Variants in EPB41L3 observed in about 807,000 individuals in gnomAD.
EPB41L3 encodes the protein erythrocyte membrane protein band 4.1 like 3.
EPB41L3 carries 57 observed loss-of-function variants against 127.1 expected under a neutral mutation model. That is an observed-to-expected ratio of 0.45 (90% confidence interval 0.36 to 0.56). The LOEUF is 0.56. EPB41L3 is among the 20% of genes least tolerant of loss of function. The probability of loss-of-function intolerance (pLI) is 0.00; values close to 1 mark genes in which losing one functional copy is unlikely to be tolerated. For missense variants in EPB41L3, 1,273 were observed against 1,372.2 expected, an observed-to-expected ratio of 0.93 and a Z score of 1.14; for synonymous variants, 572 against 549.5, an observed-to-expected ratio of 1.04 and a Z score of -0.57.
chr18:5,394,992 T>C (rs994439008), intron 21 of EPB41L3, 75 bp downstream of exon 21: 6 of 1,412,978 alleles, frequency 4.2e-6, no homozygotes, highest in Admixed American at 1.7e-5. Context: ...ACTAGAGGAA[T>C]AGCATTGAAA....
At chr18:5,595,736 C>A (rs917890694) in intron 3 of EPB41L3, among the ~76,000 whole-genome samples, 15 of 152,130 alleles carry the variant, frequency 9.9e-5, no homozygotes, top group Non-Finnish European at 2.9e-5. Flanking sequence ...AATTTACTGA[C>A]CGATTCTCCA....
intron 3 of EPB41L3, among the ~76,000 whole-genome samples, chr18:5,472,221 G>A (rs564290786): frequency 2.6e-5 from 4 of 152,250 alleles, no homozygotes; most frequent in South Asian, 2.1e-4. Context: ...TGTCAATACC[G>A]TAAGATTTAA....
chr18:5,544,184 A>C, upstream of EPB41L3: 1 of 985,108 alleles, frequency 1.0e-6, no homozygotes, highest in Non-Finnish European at 1.2e-6. Flanking sequence ...GTACTTCAGG[A>C]CAGTTACATG....
At position 5,506,798 on chromosome 18, in the gene EPB41L3, A is replaced by G. The variant is rs558478550; in HGVS notation, c.-11-17604T>C. On this transcript the variant is annotated intron_variant, in intron 1 of 22. Transcript: ENST00000341928. ...CTTAAATCCTAAGTGTCAGGCACTT[A>G]GCAGGTCCTCATTAGATTATGTTTG... Among the ~76,000 whole-genome samples the G allele has an allele frequency of 4.3e-4, 65 of 152,322 alleles. 1 individual carries two copies. In the South Asian group the frequency reaches 9.5e-3, roughly 22 times the overall value.
At chr18:5,541,893 T>C (rs2093740724) in intron 1 of EPB41L3, among the ~76,000 whole-genome samples, 2 of 152,226 alleles carry the variant, frequency 1.3e-5, no homozygotes, top group South Asian at 2.1e-4. Flanking sequence ...ATGTTCTGTT[T>C]TGAAAAACTT....
chr18:5,539,798 T>A (rs1040417691), intron 1 of EPB41L3: 5 of 152,232 alleles, frequency 3.3e-5, no homozygotes, highest in Non-Finnish European at 7.3e-5. Flanking sequence ...ATGTCTCTGA[T>A]CATCTCTGCA....
At chr18:5,533,148 A>T (rs967323656) in intron 1 of EPB41L3, among the ~76,000 whole-genome samples, 14 of 152,112 alleles carry the variant, frequency 9.2e-5, no homozygotes, top group African/African-American at 2.9e-4. Context: ...AGGTTCAATG[A>T]GGGGGAAAAA....
chr18:5,538,551 A>G (rs1568534011), intron 1 of EPB41L3, among the ~76,000 whole-genome samples: 1 of 152,262 alleles, frequency 6.6e-6, no homozygotes, highest in Non-Finnish European at 1.5e-5. Context: ...GGATGTAAAC[A>G]CAGGCATGTA....
intron 15 of EPB41L3, 155 bp from the exon 16 acceptor site, chr18:5,407,123 G>T: frequency 1.6e-6 from 1 of 615,958 alleles, no homozygotes; most frequent in Non-Finnish European, 2.8e-6. Flanking sequence ...AAACACTCTG[G>T]TGAAAATGTG....
At chr18:5,562,163 T>C (rs2094143020) in intron 3 of EPB41L3, among the ~76,000 whole-genome samples, 1 of 152,218 alleles carries the variant, frequency 6.6e-6, no homozygotes, top group African/African-American at 2.4e-5. Flanking sequence ...GTGTTACCAA[T>C]GTTGGTTTCA....
intron 6 of EPB41L3, among the ~76,000 whole-genome samples, chr18:5,436,659 C>T (rs942403401): frequency 2.0e-5 from 3 of 152,184 alleles, no homozygotes; most frequent in East Asian, 1.9e-4. Flanking sequence ...CCACCTGCCT[C>T]GGCCTCCCAA....
intron 20 of EPB41L3, 32 bp downstream of exon 20, chr18:5,395,577 G>T: frequency 6.3e-7 from 1 of 1,596,454 alleles, no homozygotes; most frequent in Non-Finnish European, 8.6e-7. Context: ...TCGCTCTCAA[G>T]GAATCCTCTT....
upstream of EPB41L3, among the ~76,000 whole-genome samples, chr18:5,548,930 T>C (rs1598905385): frequency 6.6e-6 from 1 of 152,100 alleles, no homozygotes; most frequent in African/African-American, 2.4e-5. Flanking sequence ...TAATCACTTT[T>C]CCCCCAAAAG....
chr18:5,428,334 G>A lies in EPB41L3; in HGVS notation c.1044C>T (p.Tyr348=), dbSNP rs770893838. 14 of 1,614,146 alleles carry A rather than the reference G, an allele frequency of 8.7e-6. No homozygotes were observed. In the East Asian group the frequency reaches 2.2e-4, roughly 26 times the overall value. Residue 348 remains tyrosine (Y), a synonymous_variant, in exon 9 of 23, where the codon TAC becomes TAT. Coordinates refer to ENST00000341928, the MANE Select transcript of EPB41L3 (RefSeq NM_012307.5). The stretch of plus-strand genomic sequence containing the variant: ...TTACCTCTCCCGGCCGGATCTTAAT[G>A]TAAAAGTTGTTCCGTTTGTATGAAA... The part of the protein sequence containing the change: ...LKISYKRNNF[Y]IKIRPGEFEQ...
At chr18:5,448,883 G>A (rs1044874618) in intron 3 of EPB41L3, among the ~76,000 whole-genome samples, 1 of 152,178 alleles carries the variant, frequency 6.6e-6, no homozygotes, top group Non-Finnish European at 1.5e-5. Context: ...CAACAATCAA[G>A]AAAGTTTTAA....
rs1264943580 is a variant in EPB41L3 at position 5,543,678 on chromosome 18, C to CG, written c.-12+234dup. On this transcript the variant is annotated intron_variant, in intron 1 of 22. Coordinates refer to ENST00000341928, the MANE Select transcript of EPB41L3 (RefSeq NM_012307.5). This position sits in a 1 kb window ranked among gnomAD's most constrained non-coding sequence, Gnocchi z 5.2. ...ACTGCGCCGCGGCGGGCGGAGCGGG[C>CG]GGGGGGCGCGGCGCGCAGGCTCGGC... is the stretch of plus-strand genomic sequence containing the variant. Among the ~76,000 whole-genome samples the CG allele has an allele frequency of 6.8e-6, 1 of 146,570 alleles. No individual in the cohort carries two copies. Among genetic ancestry groups the CG allele is most frequent in the Non-Finnish European group, 1.5e-5 (1 of 65,892 alleles).
At chr18:5,586,402 TG>T (rs1273363505) in intron 3 of EPB41L3, among the ~76,000 whole-genome samples, 12 of 78,708 alleles carry the variant, frequency 1.5e-4, no homozygotes, top group Non-Finnish European at 2.4e-4. Flanking sequence ...TTTTCTTTTT[TG>T]TTTTTTTTTT....
intron 3 of EPB41L3, among the ~76,000 whole-genome samples, chr18:5,453,160 A>C (rs1041607979): frequency 2.0e-5 from 3 of 152,216 alleles, no homozygotes; most frequent in African/African-American, 7.2e-5. Flanking sequence ...GACTACAATA[A>C]AATGTGTTTG....
At chr18:5,491,259 C>A (rs180955725) in intron 1 of EPB41L3, among the ~76,000 whole-genome samples, 1 of 152,190 alleles carries the variant, frequency 6.6e-6, no homozygotes, top group East Asian at 1.9e-4. Context: ...ACAGAGCCAC[C>A]CCTTCCAGCA....
Sources: gnomAD v4.1 joint callset for allele counts (sites outside exome capture counted in the v4.1 genomes callset) on GRCh38, gnomAD v4.1.1 for gene constraint, Gnocchi (gnomAD v3.1) non-coding constraint, MANE v1.5 for transcripts, NCBI Gene and HGNC (gene_info 2026-07-23, HGNC 2026-07-21) for gene names.